FER1L6: variants seen among roughly 807,000 people sequenced by gnomAD.
The protein encoded by FER1L6 is fer-1-like protein 6.
In FER1L6, 177 loss-of-function variants were observed where a neutral mutation model predicts 219.2. The observed-to-expected ratio is 0.81, with a 90% CI of 0.71 to 0.91. The LOEUF (loss-of-function observed/expected upper bound fraction) is 0.91. Ranked by LOEUF, FER1L6 falls within the 40% of genes least tolerant of loss-of-function variation. The pLI is 0.00. For missense variants in FER1L6, 2,153 were observed against 2,259.9 expected, an observed-to-expected ratio of 0.95 and a Z score of 0.96; for synonymous variants, 768 against 824.3, an observed-to-expected ratio of 0.93 and a Z score of 1.17.
chr8:123,902,332 A>T (rs1232261055), intron 1 of FER1L6, among the ~76,000 whole-genome samples: 1 of 152,168 alleles, frequency 6.6e-6, no homozygotes, highest in Non-Finnish European at 1.5e-5. Flanking sequence ...CATTTGTTTC[A>T]AGATATAGTT....
intron 16 of FER1L6, 126 bp downstream of exon 16, chr8:124,017,844 A>T: frequency 6.2e-6 from 4 of 641,280 alleles, no homozygotes; most frequent in Non-Finnish European, 1.1e-5. Context: ...CAGAGACAAG[A>T]GTGAAAAGGG....
At chr8:124,034,202 A>G (rs1180779953) in intron 18 of FER1L6, among the ~76,000 whole-genome samples, 1 of 152,124 alleles carries the variant, frequency 6.6e-6, no homozygotes, top group African/African-American at 2.4e-5. Context: ...ATTCTAAGAA[A>G]CACCAGGAAG....
At chr8:123,864,255 T>A (rs996114776) in intron 1 of FER1L6, among the ~76,000 whole-genome samples, 1 of 150,160 alleles carries the variant, frequency 6.7e-6, no homozygotes, top group Non-Finnish European at 1.5e-5. Context: ...TTTGGCTGGA[T>A]ATGAAATTCT....
chr8:123,954,701 A>C (rs1814933474), intron 1 of FER1L6, among the ~76,000 whole-genome samples: 1 of 152,190 alleles, frequency 6.6e-6, no homozygotes, highest in Non-Finnish European at 1.5e-5. Flanking sequence ...CAGAGATAGT[A>C]CTGGGATTAG....
chr8:124,052,764 G>A (rs536633747), intron 22 of FER1L6, among the ~76,000 whole-genome samples: 4 of 152,032 alleles, frequency 2.6e-5, no homozygotes, highest in East Asian at 1.9e-4. Flanking sequence ...CAGCCTGGGC[G>A]ACAGAGCAAG....
At chr8:123,998,437 C>T (rs1817249262) in intron 12 of FER1L6, among the ~76,000 whole-genome samples, 1 of 122,122 alleles carries the variant, frequency 8.2e-6, no homozygotes, top group East Asian at 2.6e-4. Context: ...TACTGAGTTG[C>T]CTGGAGCTGG....
At chr8:124,106,433 A>C (rs1822780304) in intron 39 of FER1L6, among the ~76,000 whole-genome samples, 1 of 151,964 alleles carries the variant, frequency 6.6e-6, no homozygotes, top group South Asian at 2.1e-4. Flanking sequence ...TGGCAAAGAC[A>C]GAAGTAGATG....
At chr8:123,995,512 T>C (rs1027742879) in intron 12 of FER1L6, among the ~76,000 whole-genome samples, 1 of 152,198 alleles carries the variant, frequency 6.6e-6, no homozygotes, top group African/African-American at 2.4e-5. Flanking sequence ...GCAATATGTG[T>C]TGTAATGTCT....
rs1444284840 is a variant in FER1L6 at position 123,963,265 on chromosome 8, T to G, written c.77-13T>G. 1.2e-5 allele frequency: 19 copies of G among 1,613,582 alleles called. No individual in the cohort carries two copies. The East Asian group carries it at 4.0e-4, about 34-fold the overall frequency. On this transcript the variant is annotated splice_polypyrimidine_tract_variant and intron_variant, in intron 2 of 40. Coordinates refer to ENST00000522917, the MANE Select transcript of FER1L6 (RefSeq NM_001039112.2). Reference sequence around the variant, plus strand: ...AATTTCACAGGATTTTCTTCCTTTGTTTGCTTCTCCAGATAGTCAAGGTGA... The same window carrying G: ...AATTTCACAGGATTTTCTTCCTTTGGTTGCTTCTCCAGATAGTCAAGGTGA...
intron 1 of FER1L6, among the ~76,000 whole-genome samples, chr8:123,892,506 T>C (rs1236721453): frequency 6.6e-6 from 1 of 152,166 alleles, no homozygotes; most frequent in African/African-American, 2.4e-5. Flanking sequence ...TTGGCCAGGC[T>C]GGTTGCGAAC....
intron 32 of FER1L6, among the ~76,000 whole-genome samples, chr8:124,080,409 C>T (rs1821488154): frequency 6.6e-6 from 1 of 152,064 alleles, no homozygotes; most frequent in African/African-American, 2.4e-5. Context: ...CCTCCACCTG[C>T]TGGGTTCAAG....
At chr8:124,117,249 G>C (rs77133345) in intron 39 of FER1L6, among the ~76,000 whole-genome samples, 3,321 of 152,254 alleles carry the variant, frequency 0.022, 54 homozygotes, top group Middle Eastern at 0.068. Context: ...ACATAAGGGA[G>C]ACCTACCTTG....
At chr8:123,959,784 T>C (rs1019021775) in intron 2 of FER1L6, among the ~76,000 whole-genome samples, 1 of 152,106 alleles carries the variant, frequency 6.6e-6, no homozygotes, top group African/African-American at 2.4e-5. Flanking sequence ...GTGGTGGCTA[T>C]GAGAGTCTGC....
Position 123,980,510 on chromosome 8 carries a change from C to T in FER1L6, c.1109C>T (p.Ser370Leu), listed in dbSNP as rs374646111. Residue 370 changes from serine to leucine, a missense_variant, in exon 11 of 41, where the codon TCG (serine) becomes TTG (leucine). Ser to Leu is a moderately radical substitution (Grantham distance 145, BLOSUM62 -2). Transcript: ENST00000522917. ...CCTGCCTGGATTAACCTGTATGGCT[C>T]GCCCAGGAACCACAGTCTGATGGAT... is the stretch of plus-strand genomic sequence containing the variant. The part of the protein sequence containing the change: ...FGPAWINLYG[S>L]PRNHSLMDDY... 56 of 1,613,950 alleles carry T rather than the reference C, an allele frequency of 3.5e-5. No individual in the cohort carries two copies. In the Middle Eastern group the frequency reaches 1.5e-3, roughly 43 times the overall value.
At chr8:124,083,033 C>CAT (rs61560680) in intron 33 of FER1L6, among the ~76,000 whole-genome samples, 128,781 of 151,568 alleles carry the variant, frequency 0.85, 54,937 homozygotes, top group Non-Finnish European at 0.89. Flanking sequence ...GGGTATATGA[C>CAT]ATGTATACAT....
intron 18 of FER1L6, among the ~76,000 whole-genome samples, chr8:124,029,018 G>C (rs1818840126): frequency 6.6e-6 from 1 of 152,176 alleles, no homozygotes; most frequent in Non-Finnish European, 1.5e-5. Context: ...TTATGAATGA[G>C]AACATGCAGT....
intron 7 of FER1L6, among the ~76,000 whole-genome samples, chr8:123,974,018 C>A (rs1586539161): frequency 6.6e-6 from 1 of 152,170 alleles, no homozygotes; most frequent in African/African-American, 2.4e-5. Flanking sequence ...ATTTTGTATC[C>A]TTATACAAAG....
At position 123,852,471 on chromosome 8, in the gene FER1L6, CGTGTGTGTGTGTGT is replaced by C. The variant is rs61303449; in HGVS notation, c.-8+315_-8+328del. ...GCTTGAACTCCATGTTGTGAGCATGCGTGTGTGTGTGTGTGTGTGTGTGTGTGTGTGTGTGTGTG... is the reference window on the plus strand; with the variant it reads ...GCTTGAACTCCATGTTGTGAGCATGCGTGTGTGTGTGTGTGTGTGTGTGTG... On this transcript the variant is annotated intron_variant, in intron 1 of 40. Coordinates refer to ENST00000522917, the MANE Select transcript of FER1L6 (RefSeq NM_001039112.2). This position sits in a 1 kb window ranked among gnomAD's most constrained non-coding sequence, Gnocchi z 4.9. Among the ~76,000 whole-genome samples, 255 of 140,056 alleles carry C rather than the reference CGTGTGTGTGTGTGT, an allele frequency of 1.8e-3. No individual in the cohort carries two copies. Among genetic ancestry groups the C allele is most frequent in the African/African-American group, 6.3e-3 (231 of 36,904 alleles). The allele number at this position is 140,056 out of a possible 152,430, so 91.9% of individuals were successfully genotyped here.
intron 20 of FER1L6, chr8:124,040,316 G>C (rs528774070): frequency 5.3e-6 from 2 of 376,912 alleles, no homozygotes; most frequent in South Asian, 4.9e-5. Context: ...TGGGGAAGGA[G>C]CAAATGAGGA....
Sources: allele counts gnomAD v4.1 joint callset (sites outside exome capture counted in the v4.1 genomes callset), GRCh38; gene constraint gnomAD v4.1.1; non-coding constraint Gnocchi (gnomAD v3.1); transcripts MANE v1.5; gene names NCBI Gene and HGNC (gene_info 2026-07-23, HGNC 2026-07-21).